CCDC144A: variants seen among roughly 807,000 people sequenced by gnomAD.
CCDC144A encodes coiled-coil domain-containing protein 144A.
CCDC144A carries 41 observed loss-of-function variants against 143.8 expected under a neutral mutation model. That is an observed-to-expected ratio of 0.29 (90% CI 0.22 to 0.37). CCDC144A has a LOEUF of 0.37. Among genes scored for constraint, CCDC144A ranks in the 10% least tolerant of loss-of-function variants. The pLI, the probability that CCDC144A is intolerant of heterozygous loss-of-function variation, is 1.00. For synonymous variants in CCDC144A, 242 were observed against 517.9 expected (o/e 0.47, Z 7.23); for missense variants, 637 against 1,488.8 (o/e 0.43, Z 9.41).
chr17:16,730,045 C>T (rs1913666381), intron 9 of CCDC144A, among the ~76,000 whole-genome samples: 1 of 131,796 alleles, frequency 7.6e-6, no homozygotes, highest in Admixed American at 7.8e-5. Flanking sequence ...CATTATGTTG[C>T]CCAGGCTGGT....
At chr17:16,738,838 C>T (rs1914137013) in intron 12 of CCDC144A, among the ~76,000 whole-genome samples, 1 of 152,162 alleles carries the variant, frequency 6.6e-6, no homozygotes, top group Admixed American at 6.5e-5. Flanking sequence ...CATATGGTAA[C>T]ACTATGCTCA....
intron 2 of CCDC144A, among the ~76,000 whole-genome samples, chr17:16,696,212 G>A (rs1233544607): frequency 2.6e-5 from 4 of 151,854 alleles, no homozygotes; most frequent in Admixed American, 6.6e-5. Flanking sequence ...ACAGGGTTTC[G>A]GCATGTTTGA....
intron 12 of CCDC144A, among the ~76,000 whole-genome samples, chr17:16,753,441 T>G (rs780248233): frequency 0.049 from 6,212 of 125,730 alleles, 360 homozygotes; most frequent in African/African-American, 0.19. Context: ...TTTTTTTTTT[T>G]TTTTTTTTTT....
At chr17:16,743,330 T>C (rs1194724398) in intron 12 of CCDC144A, among the ~76,000 whole-genome samples, 1 of 151,946 alleles carries the variant, frequency 6.6e-6, no homozygotes, top group Non-Finnish European at 1.5e-5. Context: ...CCCAGCCCCA[T>C]TTGTTGAAGA....
chr17:16,737,455 C>T (rs1278912890), intron 12 of CCDC144A: 9 of 1,255,652 alleles, frequency 7.2e-6, no homozygotes, highest in Admixed American at 2.5e-5. Flanking sequence ...CGTGAGCCAC[C>T]GCGCCCGGCC....
chr17:16,733,255 T>C (rs1280788637), intron 11 of CCDC144A, among the ~76,000 whole-genome samples: 1 of 145,706 alleles, frequency 6.9e-6, no homozygotes, highest in African/African-American at 2.5e-5. Context: ...AATAGTTCAG[T>C]GTGTGGGAGA....
intron 6 of CCDC144A, among the ~76,000 whole-genome samples, chr17:16,717,188 C>T (rs1171798880): frequency 8.7e-5 from 13 of 149,316 alleles, no homozygotes; most frequent in Non-Finnish European, 1.6e-4. Flanking sequence ...AATCTCAGCT[C>T]TCTGCAACCT....
chr17:16,738,015 C>T (rs961973698), intron 12 of CCDC144A, among the ~76,000 whole-genome samples: 7 of 151,514 alleles, frequency 4.6e-5, no homozygotes, highest in African/African-American at 1.5e-4. Context: ...CATGGTGAGG[C>T]AAGCCAGATT....
chr17:16,752,275 G>A (rs1914832390), intron 12 of CCDC144A, among the ~76,000 whole-genome samples: 1 of 152,272 alleles, frequency 6.6e-6, no homozygotes, highest in South Asian at 2.1e-4. Flanking sequence ...AGAATCTAAT[G>A]CCTGACGATC....
chr17:16,701,191 A>C (rs1010469985), intron 2 of CCDC144A, among the ~76,000 whole-genome samples: 8 of 151,638 alleles, frequency 5.3e-5, no homozygotes. Context: ...AATTAATAAT[A>C]TTATTTTCTG....
intron 12 of CCDC144A, among the ~76,000 whole-genome samples, chr17:16,753,575 A>G (rs1246734374): frequency 6.6e-6 from 1 of 151,408 alleles, no homozygotes; most frequent in African/African-American, 2.4e-5. Flanking sequence ...TTATTAGTGT[A>G]TAGAAATGTT....
chr17:16,767,481 C>A (rs1348127477), intron 15 of CCDC144A, among the ~76,000 whole-genome samples: 1 of 140,318 alleles, frequency 7.1e-6, no homozygotes, highest in African/African-American at 2.7e-5. Flanking sequence ...AGGTAACATA[C>A]CATCTAAACT....
In CCDC144A at chr17:16,693,134, G is replaced by A. The variant is rs1911186085; in HGVS notation, c.415+85G>A. ...GAGTAAGGAAGTTTTGATCATGAAA[G>A]AGCAGTTTTAAAAAATCTTTATTTC... On this transcript the variant is annotated intron_variant, in intron 2 of 16. Coordinates refer to ENST00000399273, the MANE Select transcript of CCDC144A (RefSeq NM_001382000.1). 6 of 1,521,386 alleles carry A rather than the reference G, an allele frequency of 3.9e-6. No homozygotes were observed. The African/African-American group carries it at 5.6e-5, about 14-fold the overall frequency. The allele number at this position is 1,521,386 out of a possible 1,614,324, so 94.2% of individuals were successfully genotyped here.
intron 15 of CCDC144A, chr17:16,767,121 C>G (rs1915633232): frequency 1.3e-5 from 2 of 152,298 alleles, no homozygotes; most frequent in South Asian, 4.1e-4. Flanking sequence ...ATGGTGAAAC[C>G]CTGTCTCTGC....
intron 2 of CCDC144A, among the ~76,000 whole-genome samples, chr17:16,704,209 C>T (rs546516973): frequency 3.3e-5 from 5 of 152,184 alleles, no homozygotes; most frequent in Non-Finnish European, 7.3e-5. Flanking sequence ...AATCCCAGCA[C>T]TTTGGGAGGC....
the CCDC144A span, among the ~76,000 whole-genome samples, chr17:16,668,846 C>T: frequency 6.6e-6 from 1 of 152,088 alleles, no homozygotes; most frequent in African/African-American, 2.4e-5. Flanking sequence ...GGCTTTCTGG[C>T]CTCTTCTTAT....
intron 2 of CCDC144A, among the ~76,000 whole-genome samples, chr17:16,693,590 C>T (rs1236084468): frequency 3.9e-5 from 6 of 152,220 alleles, no homozygotes; most frequent in Non-Finnish European, 7.3e-5. Context: ...GCTGGGATTA[C>T]AGGCGTGAGC....
intron 12 of CCDC144A, among the ~76,000 whole-genome samples, chr17:16,751,599 C>T (rs1914794644): frequency 6.6e-6 from 1 of 152,226 alleles, no homozygotes; most frequent in African/African-American, 2.4e-5. Context: ...GGGCTGCACA[C>T]CTCCCACCCT....
chr17:16,726,573 C>A (rs1913438321), intron 8 of CCDC144A, among the ~76,000 whole-genome samples: 1 of 151,838 alleles, frequency 6.6e-6, no homozygotes, highest in Admixed American at 6.6e-5. Context: ...CATTGCCATG[C>A]GAAGTCTCAG....
Sources: allele counts gnomAD v4.1 joint callset (sites outside exome capture counted in the v4.1 genomes callset), GRCh38; gene constraint gnomAD v4.1.1; transcripts MANE v1.5; gene names NCBI Gene and HGNC (gene_info 2026-07-23, HGNC 2026-07-21).